Variants in MACF1 observed in about 807,000 individuals in gnomAD.
The protein encoded by MACF1 is microtubule actin crosslinking factor 1.
A neutral mutation model predicts 854.8 loss-of-function variants in MACF1; 193 were observed. That is an observed-to-expected ratio of 0.23 (90% CI 0.20 to 0.25). The LOEUF (loss-of-function observed/expected upper bound fraction) is 0.25, where lower values mean the gene tolerates loss of function less well. Among genes scored for constraint, MACF1 ranks in the 10% least tolerant of loss-of-function variants. The pLI, the probability that MACF1 is intolerant of heterozygous loss-of-function variation, is 1.00. For synonymous variants in MACF1, 3,185 were observed against 3,226.7 expected, an observed-to-expected ratio of 0.99 and a Z score of 0.44; for missense variants, 7,722 against 8,929.1, an observed-to-expected ratio of 0.86 and a Z score of 5.45.
chr1:39,252,588 TC>T (rs987846809), intron 4 of MACF1, among the ~76,000 whole-genome samples: 33 of 151,990 alleles, frequency 2.2e-4, no homozygotes, highest in African/African-American at 6.8e-4. Flanking sequence ...TAGTCCAAAA[TC>T]TTTTTCCAGA....
intron 2 of MACF1, among the ~76,000 whole-genome samples, chr1:39,152,728 TC>T (rs1470496446): frequency 6.6e-6 from 1 of 152,236 alleles, no homozygotes; most frequent in Non-Finnish European, 1.5e-5. Flanking sequence ...AGAGGAAAAT[TC>T]CGTTATGTTA....
chr1:39,093,472 C>T (rs1265952305), intron 2 of MACF1, among the ~76,000 whole-genome samples: 1 of 149,986 alleles, frequency 6.7e-6, no homozygotes, highest in Admixed American at 6.7e-5. Context: ...CGCGCCACCA[C>T]GCCTGGCTAA....
chr1:39,123,757 T>C (rs1292897248), intron 2 of MACF1, among the ~76,000 whole-genome samples: 3 of 147,608 alleles, frequency 2.0e-5, no homozygotes, highest in Non-Finnish European at 3.0e-5. Flanking sequence ...AGAGTCTTGT[T>C]CTGTCACCCA....
At chr1:39,422,610 C>T (rs1242004436) in intron 59 of MACF1, 75 bp downstream of exon 59, 34 of 1,537,248 alleles carry the variant, frequency 2.2e-5, no homozygotes, top group Middle Eastern at 1.7e-4. Flanking sequence ...TAAGGTTTCC[C>T]GAAACCTGAA....
chr1:39,291,131 C>T (rs1645775596), intron 15 of MACF1, among the ~76,000 whole-genome samples: 1 of 151,176 alleles, frequency 6.6e-6, no homozygotes, highest in Non-Finnish European at 1.5e-5. Flanking sequence ...CGCCCACCAC[C>T]ATGCCTGGCT....
chr1:39,459,948 G>T (rs1020154361), intron 91 of MACF1: 4 of 695,068 alleles, frequency 5.8e-6, no homozygotes, highest in Middle Eastern at 5.9e-4. Context: ...AAAGACCAAG[G>T]GGAAACTGCT....
At chr1:39,136,744 A>T (rs761163991) in intron 2 of MACF1, among the ~76,000 whole-genome samples, 5 of 152,244 alleles carry the variant, frequency 3.3e-5, no homozygotes, top group Non-Finnish European at 5.9e-5. Context: ...ATTTAGTATT[A>T]GTCAACTAAG....
chr1:39,264,948 A>G (rs1645213484), intron 6 of MACF1, among the ~76,000 whole-genome samples: 1 of 152,124 alleles, frequency 6.6e-6, no homozygotes, highest in South Asian at 2.1e-4. Flanking sequence ...TGCTGGGATT[A>G]CAGGCGTGAG....
chr1:39,384,315 T>C (rs528605856), intron 56 of MACF1, among the ~76,000 whole-genome samples: 1 of 152,356 alleles, frequency 6.6e-6, no homozygotes, highest in South Asian at 2.1e-4. Flanking sequence ...TTATTATAGT[T>C]CATTGTTTAC....
chr1:39,250,339 T>C lies in MACF1; in HGVS notation c.261+236T>C, dbSNP rs566730303. The C allele has an allele frequency of 1.5e-5, 5 of 340,482 alleles. No individual in the cohort carries two copies. In the Admixed American group the frequency reaches 2.3e-4, roughly 16 times the overall value. 21.1% of individuals were successfully genotyped at this position (340,482 alleles called of 1,614,324 possible). A position where few individuals can be genotyped will look rare whatever the true frequency, so the allele number is the denominator to read the frequency against. On this transcript the variant is annotated intron_variant, in intron 3 of 100. Transcript: ENST00000564288. ...TCTTGATGAAATGAGAAATTAGTTA[T>C]AATCCTTTTTATATCTGCATGTTTT...
chr1:39,369,274 C>T (rs1004202723), intron 50 of MACF1, among the ~76,000 whole-genome samples: 2 of 152,182 alleles, frequency 1.3e-5, no homozygotes, highest in African/African-American at 4.8e-5. Context: ...CCTCACTGGA[C>T]AGCCTCACAT....
At position 39,437,996 on chromosome 1, in the gene MACF1, C is replaced by T; in HGVS notation, c.18208C>T (p.Leu6070=). ...IGRSQGADKD[L]AAKEIQDKLD... ...ACGATCTCAGGGAGCAGACAAGGAT[C>T]TGGCTGCAAAAGGTGCTTGATGATT... The change falls in exon 71 of 101, where the codon CTG becomes TTG. Residue 6070 remains leucine, a synonymous_variant. Transcript: ENST00000564288. 6.2e-7 allele frequency: 1 copy of T among 1,613,920 alleles called. No individual in the cohort carries two copies. Among genetic ancestry groups the T allele is most frequent in the Non-Finnish European group, 8.5e-7 (1 of 1,179,908 alleles).
chr1:39,257,861 T>C, intron 5 of MACF1, 75 bp from the exon 6 acceptor site: 1 of 1,065,704 alleles, frequency 9.4e-7, no homozygotes, highest in East Asian at 2.4e-5. Context: ...TGTAAATCAA[T>C]AATGAAGTGA....
At chr1:39,308,799 G>A (rs907037242) in intron 23 of MACF1, among the ~76,000 whole-genome samples, 1 of 151,966 alleles carries the variant, frequency 6.6e-6, no homozygotes, top group African/African-American at 2.4e-5. Context: ...GAGATTATAG[G>A]CATCTACCAC....
chr1:39,255,527 T>C (rs1324440469), intron 5 of MACF1, among the ~76,000 whole-genome samples: 2 of 152,232 alleles, frequency 1.3e-5, no homozygotes, highest in African/African-American at 4.8e-5. Flanking sequence ...GACACTCATA[T>C]CAGTAATTCT....
At chr1:39,254,520 C>A in intron 5 of MACF1, 145 bp downstream of exon 5, 1 of 670,828 alleles carries the variant, frequency 1.5e-6, no homozygotes, top group Non-Finnish European at 2.6e-6. Flanking sequence ...TGCTAGTGAG[C>A]AATTGTATTC....
chr1:39,288,702 G>A (rs1017825605), intron 15 of MACF1, among the ~76,000 whole-genome samples: 1 of 151,974 alleles, frequency 6.6e-6, no homozygotes, highest in Admixed American at 6.5e-5. Flanking sequence ...GAGGTGGGAG[G>A]ATCACTTGAG....
At chr1:39,279,245 G>A (rs1286986031) in intron 6 of MACF1, among the ~76,000 whole-genome samples, 1 of 152,088 alleles carries the variant, frequency 6.6e-6, no homozygotes, top group Non-Finnish European at 1.5e-5. Context: ...ACCTTCACAG[G>A]CATGGAGGCA....
chr1:39,423,342 T>C (rs970404817), intron 60 of MACF1, among the ~76,000 whole-genome samples: 1 of 152,172 alleles, frequency 6.6e-6, no homozygotes, highest in Non-Finnish European at 1.5e-5. Flanking sequence ...CAAATAAAAA[T>C]TGTATATGTT....
Sources: allele counts gnomAD v4.1 joint callset (sites outside exome capture counted in the v4.1 genomes callset), GRCh38; gene constraint gnomAD v4.1.1; transcripts MANE v1.5; gene names NCBI Gene and HGNC (gene_info 2026-07-23, HGNC 2026-07-21).